The following NRXN3 variants were observed in gnomAD, a reference collection of about 807,000 sequenced individuals.
The protein encoded by NRXN3 is neurexin III.
NRXN3 carries 32 observed loss-of-function variants against 137.6 expected under a neutral mutation model. The ratio of observed to expected loss-of-function variants is 0.23; its 90% CI spans 0.18 to 0.31. NRXN3 has a LOEUF of 0.31. NRXN3 is among the 10% of genes least tolerant of loss of function. The pLI is 1.00. For missense variants in NRXN3, 1,574 were observed against 2,062.5 expected (o/e 0.76, Z 4.59); for synonymous variants, 798 against 784.5 (o/e 1.02, Z -0.29).
intron 8 of NRXN3, among the ~76,000 whole-genome samples, chr14:78,766,087 ACT>A (rs1264356653): frequency 6.6e-6 from 1 of 152,112 alleles, no homozygotes; most frequent in Non-Finnish European, 1.5e-5. Flanking sequence ...CAGTGAGAGA[ACT>A]CGGTCTAGGT....
At chr14:79,467,498 C>A (rs1664176800) in intron 16 of NRXN3, 96 bp downstream of exon 16, 2 of 1,070,346 alleles carry the variant, frequency 1.9e-6, no homozygotes, top group African/African-American at 1.6e-5. Context: ...ATCAATATGG[C>A]AAAGGTGCAC....
At chr14:79,502,760 C>G (rs1452501005) in intron 16 of NRXN3, among the ~76,000 whole-genome samples, 1 of 152,086 alleles carries the variant, frequency 6.6e-6, no homozygotes, top group Admixed American at 6.6e-5. Flanking sequence ...TTTATCATAG[C>G]ATGCTGGTTC....
intron 15 of NRXN3, among the ~76,000 whole-genome samples, chr14:79,135,092 A>G (rs778914530): frequency 1.3e-5 from 2 of 152,218 alleles, no homozygotes; most frequent in Admixed American, 6.5e-5. Context: ...AGAAAGGAAT[A>G]TGGGAGGTAC....
At chr14:78,495,591 C>T (rs553407009) in intron 4 of NRXN3, among the ~76,000 whole-genome samples, 1 of 152,302 alleles carries the variant, frequency 6.6e-6, no homozygotes, top group Admixed American at 6.5e-5. Flanking sequence ...TTAGTGACAT[C>T]TCGAATCTTC....
intron 10 of NRXN3, among the ~76,000 whole-genome samples, chr14:78,944,757 A>T (rs985474469): frequency 6.6e-6 from 1 of 152,206 alleles, no homozygotes; most frequent in Non-Finnish European, 1.5e-5. Flanking sequence ...GAACTGAAAG[A>T]TAACATATTT....
At chr14:78,578,142 A>G (rs1357909341) in intron 4 of NRXN3, among the ~76,000 whole-genome samples, 2 of 152,220 alleles carry the variant, frequency 1.3e-5, no homozygotes, top group Admixed American at 1.3e-4. Context: ...AGTGGATTTT[A>G]TCTTTTAAAT....
intron 15 of NRXN3, among the ~76,000 whole-genome samples, chr14:79,456,384 A>C (rs1174824158): frequency 6.6e-6 from 1 of 152,184 alleles, no homozygotes; most frequent in Non-Finnish European, 1.5e-5. Context: ...GAAAGAACCC[A>C]AATTTGAACT....
Position 79,861,308 on chromosome 14 carries a change from G to T in NRXN3, c.4094-34G>T. 6.5e-7 allele frequency: 1 copy of T among 1,536,102 alleles called. No individual in the cohort carries two copies. On this transcript the variant is annotated intron_variant, in intron 20 of 20. Coordinates refer to ENST00000335750, the MANE Select transcript of NRXN3 (RefSeq NM_001330195.2). The surrounding 1 kb of genome is among the most constrained non-coding windows in gnomAD (Gnocchi z 5.4). ...CTCTAACCTGCCCCCTACTGATGAT[G>T]AAGATTTTTACACCACCTTCTCCTT... is the stretch of plus-strand genomic sequence containing the variant.
intron 16 of NRXN3, among the ~76,000 whole-genome samples, chr14:79,545,120 G>A (rs1394387326): frequency 2.0e-5 from 3 of 152,096 alleles, no homozygotes; most frequent in Non-Finnish European, 4.4e-5. Flanking sequence ...TTGTTTTCAA[G>A]CCCCATTGAT....
intron 15 of NRXN3, among the ~76,000 whole-genome samples, chr14:79,456,056 A>C (rs2096253121): frequency 6.6e-6 from 1 of 152,042 alleles, no homozygotes. Flanking sequence ...TTAATACTCT[A>C]ATTATTAGGT....
At chr14:78,994,748 G>A (rs960804420) in intron 15 of NRXN3, among the ~76,000 whole-genome samples, 5 of 152,122 alleles carry the variant, frequency 3.3e-5, no homozygotes, top group African/African-American at 4.8e-5. Context: ...TGAAACTTTG[G>A]TGTAACATAA....
chr14:78,446,081 C>G (rs906188180), intron 4 of NRXN3, among the ~76,000 whole-genome samples: 1 of 152,180 alleles, frequency 6.6e-6, no homozygotes, highest in Non-Finnish European at 1.5e-5. Context: ...AGTGCGTGCA[C>G]CTGACCTTGC....
intron 15 of NRXN3, among the ~76,000 whole-genome samples, chr14:79,257,586 A>G (rs988135937): frequency 2.7e-3 from 50 of 18,612 alleles, no homozygotes; most frequent in East Asian, 5.5e-3. Flanking sequence ...GGTGATGGTA[A>G]TGATGGTGGT....
intron 10 of NRXN3, among the ~76,000 whole-genome samples, chr14:78,889,818 A>C (rs1311073975): frequency 6.6e-6 from 1 of 152,012 alleles, no homozygotes; most frequent in African/African-American, 2.4e-5. Flanking sequence ...CTGTGACGTG[A>C]CCTTACTTGG....
intron 15 of NRXN3, among the ~76,000 whole-genome samples, chr14:79,137,711 T>C (rs557519905): frequency 2.6e-5 from 4 of 152,366 alleles, no homozygotes; most frequent in African/African-American, 9.6e-5. Flanking sequence ...CTTAGACCTT[T>C]TACCAGGATA....
chr14:79,335,404 A>G (rs1405944220), intron 15 of NRXN3, among the ~76,000 whole-genome samples: 1 of 151,986 alleles, frequency 6.6e-6, no homozygotes, highest in Non-Finnish European at 1.5e-5. Context: ...TCTTCTTCAG[A>G]GTAGGTACAA....
At chr14:79,411,324 C>A (rs974537429) in intron 15 of NRXN3, among the ~76,000 whole-genome samples, 4 of 152,096 alleles carry the variant, frequency 2.6e-5, no homozygotes, top group African/African-American at 9.7e-5. Context: ...AGCCAAACTG[C>A]CCTATTTTGT....
chr14:79,861,966 C>T lies in NRXN3; in HGVS notation c.*2C>T. The T allele has an allele frequency of 6.2e-7, 1 of 1,605,716 alleles. No homozygotes were observed. The highest frequency in any genetic ancestry group is 8.5e-7 in the Non-Finnish European group (1 of 1,174,708). ...AAGGACAGGGAGTATTACGTGTAAACATGCGAACACTGCTCACACGCGAGT... is the reference window on the plus strand; with the variant it reads ...AAGGACAGGGAGTATTACGTGTAAATATGCGAACACTGCTCACACGCGAGT... On this transcript the variant is annotated 3_prime_UTR_variant, in exon 21 of 21. Coordinates refer to ENST00000335750, the MANE Select transcript of NRXN3 (RefSeq NM_001330195.2). The surrounding 1 kb of genome is among the most constrained non-coding windows in gnomAD (Gnocchi z 5.4).
intron 19 of NRXN3, among the ~76,000 whole-genome samples, chr14:79,778,339 C>T (rs2099103811): frequency 6.6e-6 from 1 of 152,196 alleles, no homozygotes; most frequent in East Asian, 1.9e-4. Context: ...TCACTTGAAC[C>T]CAGGAGGCGG....
Sources: gnomAD v4.1 joint callset for allele counts (sites outside exome capture counted in the v4.1 genomes callset) on GRCh38, gnomAD v4.1.1 for gene constraint, Gnocchi (gnomAD v3.1) non-coding constraint, MANE v1.5 for transcripts, NCBI Gene and HGNC (gene_info 2026-07-23, HGNC 2026-07-21) for gene names.